Variants in EYS observed in about 807,000 individuals in gnomAD.
EYS encodes protein eyes shut homolog.
EYS carries 250 observed loss-of-function variants against 282.1 expected under a neutral mutation model. The observed-to-expected ratio is 0.89, with a 90% CI of 0.80 to 0.98. EYS has a LOEUF of 0.98. EYS is among the 50% of genes least tolerant of loss of function. EYS has a pLI of 0.00. For synonymous variants in EYS, 1,355 were observed against 1,282.9 expected (o/e 1.06, Z -1.20); for missense variants, 4,016 against 3,709.0 (o/e 1.08, Z -2.15).
At chr6:64,705,817 G>A (rs1770985529) in intron 22 of EYS, among the ~76,000 whole-genome samples, 1 of 132,156 alleles carries the variant, frequency 7.6e-6, no homozygotes, top group South Asian at 2.6e-4. Flanking sequence ...TCACACTCTG[G>A]GGACTGTTGT....
At chr6:64,219,880 A>G (rs925189686) in intron 31 of EYS, among the ~76,000 whole-genome samples, 2 of 151,920 alleles carry the variant, frequency 1.3e-5, no homozygotes, top group African/African-American at 4.8e-5. Context: ...AGTCCTTTAT[A>G]GGGACATGGA....
chr6:64,780,486 T>G (rs1442209536), intron 22 of EYS, among the ~76,000 whole-genome samples: 1 of 151,924 alleles, frequency 6.6e-6, no homozygotes, highest in Non-Finnish European at 1.5e-5. Context: ...GACTTAAAGA[T>G]GGGGAAATAA....
chr6:65,558,481 G>A (rs1010426936), intron 2 of EYS, among the ~76,000 whole-genome samples: 3 of 152,174 alleles, frequency 2.0e-5, no homozygotes, highest in Non-Finnish European at 4.4e-5. Context: ...AGAGCACAAG[G>A]ATATCTGGGT....
At chr6:65,023,447 A>T (rs945306195) in intron 13 of EYS, among the ~76,000 whole-genome samples, 1 of 152,166 alleles carries the variant, frequency 6.6e-6, no homozygotes, top group African/African-American at 2.4e-5. Context: ...AAATTGTTGA[A>T]ATTGTTTTCA....
At chr6:65,448,192 A>G (rs1319618966) in intron 5 of EYS, among the ~76,000 whole-genome samples, 1 of 152,046 alleles carries the variant, frequency 6.6e-6, no homozygotes, top group Non-Finnish European at 1.5e-5. Flanking sequence ...CATTTCTCCC[A>G]TCACTTTTCC....
chr6:64,762,487 C>T (rs4710494), intron 22 of EYS, among the ~76,000 whole-genome samples: 146,778 of 152,306 alleles, frequency 0.96, 70,851 homozygotes, highest in Non-Finnish European at 1. Context: ...AGTGATGTAA[C>T]AGGAAATTGG....
intron 23 of EYS, among the ~76,000 whole-genome samples, chr6:64,617,876 T>C (rs1190157696): frequency 1.3e-5 from 2 of 152,162 alleles, no homozygotes; most frequent in Admixed American, 6.6e-5. Context: ...TACTTTGGAA[T>C]AAATACATGG....
chr6:64,965,583 G>A (rs1770066193), intron 14 of EYS, among the ~76,000 whole-genome samples: 1 of 151,754 alleles, frequency 6.6e-6, no homozygotes, highest in East Asian at 1.9e-4. Flanking sequence ...AACCCAAAAA[G>A]GGAAATTTTC....
chr6:65,057,177 C>T (rs949150629), intron 13 of EYS, among the ~76,000 whole-genome samples: 3 of 151,982 alleles, frequency 2.0e-5, no homozygotes, highest in African/African-American at 7.2e-5. Flanking sequence ...AGAAAAAATA[C>T]AATTCCTGAA....
chr6:65,693,202 C>T lies in EYS; in HGVS notation c.-448+13933G>A, dbSNP rs938361348. 2.7e-5 allele frequency among the ~76,000 whole-genome samples: 4 copies of T among 149,374 alleles called. 1 individual carries two copies. The highest frequency in any genetic ancestry group is 5.9e-5 in the Non-Finnish European group (4 of 67,394). On this transcript the variant is annotated intron_variant, in intron 1 of 42. Coordinates refer to ENST00000503581, the MANE Select transcript of EYS (RefSeq NM_001142800.2). Reference sequence around the variant, plus strand: ...TTCTTTTCTTCTCTCTCCAGCCTTACTTCTGTTTTATTTTTTCCCTCTTTC... The same window carrying T: ...TTCTTTTCTTCTCTCTCCAGCCTTATTTCTGTTTTATTTTTTCCCTCTTTC...
intron 13 of EYS, among the ~76,000 whole-genome samples, chr6:65,042,639 GTTT>G (rs1772974056): frequency 6.6e-6 from 1 of 150,856 alleles, no homozygotes; most frequent in Admixed American, 6.6e-5. Flanking sequence ...TATTTGTTAT[GTTT>G]ATTATTTATA....
chr6:65,223,727 T>C (rs1434241782), intron 12 of EYS, among the ~76,000 whole-genome samples: 1 of 152,150 alleles, frequency 6.6e-6, no homozygotes, highest in Non-Finnish European at 1.5e-5. Context: ...TCTAGGACAA[T>C]GGATACCATC....
chr6:64,368,255 G>A (rs780590863), intron 29 of EYS, among the ~76,000 whole-genome samples: 6 of 152,036 alleles, frequency 3.9e-5, no homozygotes, highest in Admixed American at 1.3e-4. Context: ...CATCCATGTT[G>A]CTTCAAAGGA....
intron 1 of EYS, among the ~76,000 whole-genome samples, chr6:65,687,051 T>C (rs938463053): frequency 6.6e-6 from 1 of 152,090 alleles, no homozygotes; most frequent in Non-Finnish European, 1.5e-5. Flanking sequence ...TAGTCACACA[T>C]TTATACCTAG....
At chr6:64,009,433 A>G (rs1404901857) in intron 33 of EYS, among the ~76,000 whole-genome samples, 1 of 141,410 alleles carries the variant, frequency 7.1e-6, no homozygotes, top group African/African-American at 2.8e-5. Flanking sequence ...ACAGGCACCC[A>G]CCACCACGCA....
chr6:64,598,542 A>T (rs994220304), intron 24 of EYS, among the ~76,000 whole-genome samples: 5 of 152,198 alleles, frequency 3.3e-5, no homozygotes, highest in Admixed American at 3.3e-4. Flanking sequence ...TGACTTAAAA[A>T]ATTATTTTCT....
At chr6:63,938,410 C>CT (rs1765136169) in intron 35 of EYS, among the ~76,000 whole-genome samples, 1 of 152,198 alleles carries the variant, frequency 6.6e-6, no homozygotes, top group South Asian at 2.1e-4. Flanking sequence ...AGAATTGTAA[C>CT]TAACTTCTGG....
chr6:63,829,533 T>C (rs1771567896), intron 36 of EYS, among the ~76,000 whole-genome samples: 2 of 152,184 alleles, frequency 1.3e-5, no homozygotes, highest in Admixed American at 1.3e-4. Flanking sequence ...CCACCATTGC[T>C]GAGGCTTGAG....
chr6:64,764,819 A>G (rs562493806), intron 22 of EYS, among the ~76,000 whole-genome samples: 14 of 152,226 alleles, frequency 9.2e-5, no homozygotes, highest in Admixed American at 8.5e-4. Flanking sequence ...GCTCACTGCA[A>G]CCTCGGCCTC....
Sources: allele counts gnomAD v4.1 joint callset (sites outside exome capture counted in the v4.1 genomes callset), GRCh38; gene constraint gnomAD v4.1.1; transcripts MANE v1.5; gene names NCBI Gene and HGNC (gene_info 2026-07-23, HGNC 2026-07-21).